Variants in C1orf21 observed in about 807,000 individuals in gnomAD.
The protein encoded by C1orf21 is chromosome 1 open reading frame 21.
In C1orf21, 3 loss-of-function variants were observed where a neutral mutation model predicts 18.7. The observed-to-expected ratio is 0.16, with a 90% confidence interval of 0.07 to 0.42. C1orf21 has a LOEUF of 0.42. C1orf21 is among the 10% of genes least tolerant of loss of function. The probability of loss-of-function intolerance (pLI) is 0.99; values close to 1 mark genes in which losing one functional copy is unlikely to be tolerated. For missense variants in C1orf21, 104 were observed against 143.6 expected, an observed-to-expected ratio of 0.72 and a Z score of 1.41; for synonymous variants, 41 against 46.4, an observed-to-expected ratio of 0.88 and a Z score of 0.47.
At chr1:184,574,650 G>C (rs1251732161) in intron 3 of C1orf21, among the ~76,000 whole-genome samples, 1 of 152,190 alleles carries the variant, frequency 6.6e-6, no homozygotes, top group East Asian at 1.9e-4. Flanking sequence ...CAAGGAATAA[G>C]GGCAAAAGGA....
chr1:184,452,059 G>A (rs1321287074), intron 1 of C1orf21, among the ~76,000 whole-genome samples: 1 of 152,146 alleles, frequency 6.6e-6, no homozygotes, highest in East Asian at 1.9e-4. Flanking sequence ...AGCCAAAGCC[G>A]CCTCCTTAAA....
chr1:184,498,181 C>G (rs529045097), intron 2 of C1orf21, among the ~76,000 whole-genome samples: 1 of 152,212 alleles, frequency 6.6e-6, no homozygotes, highest in Non-Finnish European at 1.5e-5. Context: ...AAAGGCAGCT[C>G]TCCTCCACCA....
chr1:184,409,063 C>T (rs1003552998), intron 1 of C1orf21, among the ~76,000 whole-genome samples: 1 of 152,292 alleles, frequency 6.6e-6, no homozygotes, highest in Non-Finnish European at 1.5e-5. Context: ...TAGTTTCCAA[C>T]ACTTCCGTTT....
At chr1:184,407,064 G>A (rs1216908108) in intron 1 of C1orf21, among the ~76,000 whole-genome samples, 1 of 152,094 alleles carries the variant, frequency 6.6e-6, no homozygotes, top group East Asian at 1.9e-4. Context: ...TCAGGCTCCT[G>A]GGCTCAAGTG....
Position 184,473,650 on chromosome 1 carries a change from G to C in C1orf21, c.-124-3736G>C, listed in dbSNP as rs144916800. 1.1e-3 allele frequency among the ~76,000 whole-genome samples: 171 copies of C among 152,240 alleles called. 1 individual carries two copies. In the East Asian group the frequency reaches 0.031, roughly 28 times the overall value. On this transcript the variant is annotated intron_variant, in intron 1 of 5. Coordinates refer to ENST00000235307, the MANE Select transcript of C1orf21 (RefSeq NM_030806.4). ...AAATGAAACCTTGACATTATATCAG[G>C]CTATAAAAGAGATACAAATCAGGGA...
intron 3 of C1orf21, among the ~76,000 whole-genome samples, chr1:184,588,146 C>A (rs1659383907): frequency 2.0e-5 from 3 of 152,152 alleles, no homozygotes. Context: ...ATATCTCTGG[C>A]AGATAAATTA....
chr1:184,467,790 A>G (rs1485649422), intron 1 of C1orf21, among the ~76,000 whole-genome samples: 2 of 152,164 alleles, frequency 1.3e-5, no homozygotes, highest in Non-Finnish European at 2.9e-5. Flanking sequence ...ATTGCCTACT[A>G]CTATGTGCCA....
At chr1:184,459,286 T>C (rs1321304459) in intron 1 of C1orf21, among the ~76,000 whole-genome samples, 1 of 152,234 alleles carries the variant, frequency 6.6e-6, no homozygotes, top group Non-Finnish European at 1.5e-5. Flanking sequence ...GTGTAAGTTA[T>C]TCCTGGAGAG....
intron 3 of C1orf21, among the ~76,000 whole-genome samples, chr1:184,540,374 C>T (rs1201707672): frequency 6.6e-6 from 1 of 151,824 alleles, no homozygotes; most frequent in Non-Finnish European, 1.5e-5. Context: ...GATTGACAGA[C>T]TTATGATACA....
chr1:184,404,641 A>T lies in C1orf21; in HGVS notation c.-125+17273A>T, dbSNP rs146408243. ...GTTACCATAGCAATTCAATTTCAAC[A>T]TAAGTTTTAGAAGGAACAAACATTC... is the stretch of plus-strand genomic sequence containing the variant. On this transcript the variant is annotated intron_variant, in intron 1 of 5. Transcript: ENST00000235307. Among the ~76,000 whole-genome samples, 85 of 152,332 alleles carry T rather than the reference A, an allele frequency of 5.6e-4. 1 individual carries two copies. The East Asian group carries it at 0.015, about 27-fold the overall frequency.
chr1:184,449,226 T>A (rs953967642), intron 1 of C1orf21, among the ~76,000 whole-genome samples: 7 of 114,562 alleles, frequency 6.1e-5, no homozygotes, highest in African/African-American at 1.4e-4. Context: ...CAGGCCCCGG[T>A]GTGTGATGTC....
Position 184,477,515 on chromosome 1 carries a change from C to T in C1orf21, c.6C>T (p.Gly2=), listed in dbSNP as rs1571376782. M[G]CASAKHVATV... is the part of the protein sequence containing the mutation. ...GAAGCTGACCGAATGAGACTATGGG[C>T]TGTGCCTCCGCCAAGCATGTTGCCA... The change falls in exon 2 of 6, where the codon GGC becomes GGT. Residue 2 remains glycine, a synonymous_variant. Transcript: ENST00000235307. 1.2e-6 allele frequency: 2 copies of T among 1,613,824 alleles called. No homozygotes were observed. Among genetic ancestry groups the T allele is most frequent in the Non-Finnish European group, 1.7e-6 (2 of 1,179,812 alleles).
At chr1:184,617,904 G>GTTT (rs142357373) in intron 5 of C1orf21, among the ~76,000 whole-genome samples, 190 of 87,418 alleles carry the variant, frequency 2.2e-3, no homozygotes, top group Non-Finnish European at 3.7e-3. Flanking sequence ...TGTTGTTGTT[G>GTTT]TTTTTTTTTT....
chr1:184,495,298 C>T (rs919444928), intron 2 of C1orf21, among the ~76,000 whole-genome samples: 30 of 152,172 alleles, frequency 2.0e-4, no homozygotes, highest in African/African-American at 7.0e-4. Flanking sequence ...CCAAGAGCTG[C>T]TCTGAGCTTT....
chr1:184,588,677 A>T (rs1182948967), intron 3 of C1orf21, among the ~76,000 whole-genome samples: 3 of 152,324 alleles, frequency 2.0e-5, no homozygotes, highest in Admixed American at 2.0e-4. Context: ...GAATGTTAAA[A>T]TGAATTAATA....
intron 3 of C1orf21, among the ~76,000 whole-genome samples, chr1:184,529,100 G>T (rs779431110): frequency 6.6e-6 from 1 of 151,988 alleles, no homozygotes; most frequent in African/African-American, 2.4e-5. Context: ...AATTCTTGCC[G>T]ATTTACTTAA....
chr1:184,411,587 AT>A (rs60814434), intron 1 of C1orf21, among the ~76,000 whole-genome samples: 3 of 151,252 alleles, frequency 2.0e-5, no homozygotes, highest in African/African-American at 7.3e-5. Context: ...ACGCCTGGCT[AT>A]TTTTTTTGTA....
At chr1:184,397,997 T>C (rs1233423037) in intron 1 of C1orf21, among the ~76,000 whole-genome samples, 1 of 152,166 alleles carries the variant, frequency 6.6e-6, no homozygotes, top group Non-Finnish European at 1.5e-5. Flanking sequence ...TTGCAGAGTA[T>C]GTTTGTTACT....
intron 1 of C1orf21, among the ~76,000 whole-genome samples, chr1:184,454,770 C>A (rs1657173246): frequency 6.6e-6 from 1 of 152,122 alleles, no homozygotes; most frequent in Admixed American, 6.6e-5. Context: ...TGGGCATGTG[C>A]TAGCATCATG....
Sources: gnomAD v4.1 joint callset for allele counts (sites outside exome capture counted in the v4.1 genomes callset) on GRCh38, gnomAD v4.1.1 for gene constraint, MANE v1.5 for transcripts, NCBI Gene and HGNC (gene_info 2026-07-23, HGNC 2026-07-21) for gene names.